The following CLASP2 variants were observed in gnomAD, a reference collection of about 807,000 sequenced individuals.
CLASP2 encodes the protein cytoplasmic linker associated protein 2, also known as CLIP-associating protein 2.
CLASP2 carries 47 observed loss-of-function variants against 194.4 expected under a neutral mutation model. The observed-to-expected ratio is 0.24, with a 90% CI of 0.19 to 0.31. CLASP2 has a LOEUF of 0.31. CLASP2 is among the 10% of genes least tolerant of loss of function. CLASP2 has a pLI of 1.00. For missense variants in CLASP2, 1,445 were observed against 1,823.6 expected (o/e 0.79, Z 3.78); for synonymous variants, 619 against 633.5 (o/e 0.98, Z 0.34).
chr3:33,509,309 C>A (rs959186819), intron 37 of CLASP2, among the ~76,000 whole-genome samples: 1 of 152,182 alleles, frequency 6.6e-6, no homozygotes, highest in Non-Finnish European at 1.5e-5. Flanking sequence ...CTCCACCTCT[C>A]GGGTTCAAGC....
intron 8 of CLASP2, chr3:33,644,509 A>G (rs887568023): frequency 4.3e-6 from 2 of 470,542 alleles, no homozygotes; most frequent in Non-Finnish European, 7.6e-6. Flanking sequence ...ATCTTTTTCA[A>G]AATGGCATCT....
intron 38 of CLASP2, 80 bp from the exon 39 acceptor site, chr3:33,498,797 A>G: frequency 1.4e-6 from 1 of 699,754 alleles, no homozygotes; most frequent in South Asian, 2.4e-5. Flanking sequence ...TTATATACAT[A>G]TATGTGAGCT....
chr3:33,687,622 A>C (rs1434162726), intron 4 of CLASP2, among the ~76,000 whole-genome samples: 1 of 152,240 alleles, frequency 6.6e-6, no homozygotes, highest in East Asian at 1.9e-4. Flanking sequence ...GGCAGAAAGG[A>C]CTATAAAGTA....
intron 7 of CLASP2, among the ~76,000 whole-genome samples, chr3:33,660,799 G>C (rs920256899): frequency 6.6e-6 from 1 of 152,146 alleles, no homozygotes; most frequent in Non-Finnish European, 1.5e-5. Context: ...ATTTCATGCC[G>C]AGCCTTTACT....
chr3:33,678,182 A>AG (rs2089175765), intron 6 of CLASP2, among the ~76,000 whole-genome samples: 1 of 152,152 alleles, frequency 6.6e-6, no homozygotes, highest in African/African-American at 2.4e-5. Flanking sequence ...AAGAACAGAA[A>AG]GAATACTTGA....
In CLASP2 at chr3:33,717,929, C is replaced by A. The variant is rs2093371952; in HGVS notation, c.74G>T (p.Gly25Val). The A allele has an allele frequency of 1.3e-6, 2 of 1,550,154 alleles. No homozygotes were observed. The highest frequency in any genetic ancestry group is 1.7e-6 in the Non-Finnish European group (2 of 1,147,948). The change falls in exon 1 of 39, where the codon GGC becomes GTC. Residue 25 changes from glycine to valine, a missense_variant. Coordinates refer to ENST00000682230, the MANE Select transcript of CLASP2 (RefSeq NM_001365631.1). ...QKDVGGRLQV[G>V]QELLLYLGAP... Reference sequence around the variant, plus strand: ...GCCAAGGTAGAGCAGGAGCTCCTGGCCGACCTGCAGCCGGCCGCCGACGTC... The same window carrying A: ...GCCAAGGTAGAGCAGGAGCTCCTGGACGACCTGCAGCCGGCCGCCGACGTC...
At chr3:33,656,665 T>C (rs181858614) in intron 7 of CLASP2, among the ~76,000 whole-genome samples, 6 of 152,316 alleles carry the variant, frequency 3.9e-5, no homozygotes, top group East Asian at 1.9e-4. Flanking sequence ...CACAAACACA[T>C]GTAGTTTGTA....
chr3:33,556,161 C>G (rs1451024252), intron 29 of CLASP2, among the ~76,000 whole-genome samples: 1 of 152,154 alleles, frequency 6.6e-6, no homozygotes, highest in African/African-American at 2.4e-5. Context: ...CCATTTCCCC[C>G]ATTGCTTCCT....
At chr3:33,679,990 A>C (rs557251869) in intron 6 of CLASP2, among the ~76,000 whole-genome samples, 1 of 152,346 alleles carries the variant, frequency 6.6e-6, no homozygotes, top group South Asian at 2.1e-4. Context: ...TAGATGTCCC[A>C]CAGTAGAATG....
At chr3:33,704,146 T>C (rs1251250662) in intron 1 of CLASP2, among the ~76,000 whole-genome samples, 1 of 152,188 alleles carries the variant, frequency 6.6e-6, no homozygotes, top group Non-Finnish European at 1.5e-5. Context: ...TTCTGCATAA[T>C]ACTATAATGT....
chr3:33,532,487 C>A (rs1022497617), intron 34 of CLASP2, among the ~76,000 whole-genome samples: 1 of 152,026 alleles, frequency 6.6e-6, no homozygotes, highest in Non-Finnish European at 1.5e-5. Context: ...TATTTAATAT[C>A]ACTAAACTGT....
At position 33,709,843 on chromosome 3, in the gene CLASP2, T is replaced by C. The variant is rs560724692; in HGVS notation, c.195+7965A>G. ...CAACATGTGGCTGTTATTTGGTTCC[T>C]AATTTTTCTTAAAATAACTTACTAA... On this transcript the variant is annotated intron_variant, in intron 1 of 38. Coordinates refer to ENST00000682230, the MANE Select transcript of CLASP2 (RefSeq NM_001365631.1). Among the ~76,000 whole-genome samples the C allele has an allele frequency of 5.3e-5, 8 of 152,372 alleles. No homozygotes were observed. The East Asian group carries it at 1.3e-3, about 26-fold the overall frequency.
At chr3:33,663,217 AG>A (rs1262402431) in intron 7 of CLASP2, among the ~76,000 whole-genome samples, 2,505 of 130,638 alleles carry the variant, frequency 0.019, 63 homozygotes, top group African/African-American at 0.061. Context: ...AAAAAAAAAA[AG>A]AACAGTATCA....
intron 8 of CLASP2, among the ~76,000 whole-genome samples, chr3:33,634,422 C>T (rs2079713090): frequency 6.6e-6 from 1 of 152,192 alleles, no homozygotes; most frequent in Non-Finnish European, 1.5e-5. Flanking sequence ...GCTGCAATTA[C>T]TCAACTCTGC....
At chr3:33,578,104 C>A (rs1184273932) in intron 23 of CLASP2, among the ~76,000 whole-genome samples, 2 of 152,162 alleles carry the variant, frequency 1.3e-5, no homozygotes, top group South Asian at 2.1e-4. Context: ...TATCTATACT[C>A]TTTTAATTCC....
intron 1 of CLASP2, among the ~76,000 whole-genome samples, chr3:33,711,494 A>C (rs2093006486): frequency 6.6e-6 from 1 of 151,180 alleles, no homozygotes; most frequent in Admixed American, 6.6e-5. Context: ...TCCCAACCTC[A>C]GGTGATCGGC....
At chr3:33,589,032 A>C (rs1410429074) in intron 21 of CLASP2, among the ~76,000 whole-genome samples, 4 of 152,154 alleles carry the variant, frequency 2.6e-5, no homozygotes, top group Non-Finnish European at 5.9e-5. Flanking sequence ...TACTACTGAC[A>C]GTCGAAAATC....
Position 33,510,648 on chromosome 3 carries a change from A to G in CLASP2, c.4227T>C (p.Ala1409=). The G allele has an allele frequency of 6.2e-7, 1 of 1,613,924 alleles. No individual in the cohort carries two copies. Among genetic ancestry groups the G allele is most frequent in the South Asian group, 1.1e-5 (1 of 91,080 alleles). ...TCACTTTTGTTTGCATTTTGATTGCAGCCAGATTAATTGGGTAGTCTGCAG... is the reference window on the plus strand; with the variant it reads ...TCACTTTTGTTTGCATTTTGATTGCGGCCAGATTAATTGGGTAGTCTGCAG... ...IQTADYPINL[A]AIKMQTKVIE... is the part of the protein sequence containing the mutation. Residue 1409 remains alanine, a synonymous_variant, in exon 37 of 39, where the codon GCT becomes GCC. Coordinates refer to ENST00000682230, the MANE Select transcript of CLASP2 (RefSeq NM_001365631.1).
At chr3:33,696,796 C>T (rs890069844) in intron 2 of CLASP2, 59 bp downstream of exon 2, 47 of 1,137,120 alleles carry the variant, frequency 4.1e-5, no homozygotes, top group African/African-American at 2.3e-4. Context: ...TAAAAACTAA[C>T]GAAAAAAGTC....
Sources: allele counts gnomAD v4.1 joint callset (sites outside exome capture counted in the v4.1 genomes callset), GRCh38; gene constraint gnomAD v4.1.1; transcripts MANE v1.5; gene names NCBI Gene and HGNC (gene_info 2026-07-23, HGNC 2026-07-21).